The following TFDP2 variants were observed in gnomAD, a reference collection of about 807,000 sequenced individuals.
TFDP2 encodes transcription factor Dp-2 (E2F dimerization partner 2).
In TFDP2, 17 loss-of-function variants were observed where a neutral mutation model predicts 59.3. The ratio of observed to expected loss-of-function variants is 0.29; its 90% CI spans 0.20 to 0.43. The LOEUF (loss-of-function observed/expected upper bound fraction) is 0.43, where lower values mean the gene tolerates loss of function less well. Ranked by LOEUF, TFDP2 falls within the 20% of genes least tolerant of loss-of-function variation. The probability of loss-of-function intolerance (pLI) is 1.00; values close to 1 mark genes in which losing one functional copy is unlikely to be tolerated. For synonymous variants in TFDP2, 180 were observed against 194.7 expected (o/e 0.92, Z 0.63); for missense variants, 391 against 528.8 (o/e 0.74, Z 2.56).
chr3:142,111,787 C>T (rs780267568), intron 1 of TFDP2, among the ~76,000 whole-genome samples: 9 of 151,772 alleles, frequency 5.9e-5, no homozygotes, highest in African/African-American at 9.7e-5. Context: ...CAGATTTGGC[C>T]GGGTGTGGTG....
In TFDP2 at chr3:142,039,354, T is replaced by C. The variant is rs1347451258; in HGVS notation, c.83-33810A>G. Among the ~76,000 whole-genome samples the C allele has an allele frequency of 8.5e-5, 13 of 152,334 alleles. No homozygotes were observed. The East Asian group carries it at 2.5e-3, about 29-fold the overall frequency. ...GTGACAGTTTCTTGGCTATTGGCTA[T>C]GTTTTGTTCCTGATGACCTTGACAG... On this transcript the variant is annotated intron_variant, in intron 3 of 12. Transcript: ENST00000489671.
chr3:141,982,525 T>TTACA (rs1164840627), intron 6 of TFDP2, among the ~76,000 whole-genome samples: 1 of 152,110 alleles, frequency 6.6e-6, no homozygotes, highest in African/African-American at 2.4e-5. Context: ...GGCCAGCCAG[T>TTACA]TACATACTTT....
intron 3 of TFDP2, among the ~76,000 whole-genome samples, chr3:142,031,803 C>T (rs1946443010): frequency 6.6e-6 from 1 of 152,118 alleles, no homozygotes; most frequent in African/African-American, 2.4e-5. Flanking sequence ...ATTTATGATT[C>T]TATAGGCAGA....
intron 1 of TFDP2, among the ~76,000 whole-genome samples, chr3:142,128,693 G>A (rs1362271868): frequency 6.6e-6 from 1 of 152,018 alleles, no homozygotes; most frequent in African/African-American, 2.4e-5. Flanking sequence ...AAAAAAGAAA[G>A]AGAGGGAGGG....
intron 3 of TFDP2, among the ~76,000 whole-genome samples, chr3:142,018,352 A>G (rs1165687873): frequency 6.6e-6 from 1 of 152,232 alleles, no homozygotes; most frequent in Non-Finnish European, 1.5e-5. Context: ...TACTACTGCA[A>G]TGACTATACA....
intron 8 of TFDP2, 98 bp downstream of exon 8, chr3:141,973,950 A>G (rs1940222806): frequency 1.6e-5 from 22 of 1,385,870 alleles, no homozygotes; most frequent in Non-Finnish European, 2.1e-5. Context: ...TACATGAAAA[A>G]TTGGAAATAT....
intron 3 of TFDP2, among the ~76,000 whole-genome samples, chr3:142,007,161 C>G (rs1944283952): frequency 6.6e-6 from 1 of 152,150 alleles, no homozygotes; most frequent in Admixed American, 6.5e-5. Flanking sequence ...CCGGAATTTT[C>G]AACTATTCCA....
intron 4 of TFDP2, among the ~76,000 whole-genome samples, chr3:141,996,425 C>T (rs1943278721): frequency 6.6e-6 from 1 of 152,160 alleles, no homozygotes; most frequent in South Asian, 2.1e-4. Flanking sequence ...TAAGTCCCAA[C>T]TGAGAATGAA....
At chr3:142,016,489 T>C (rs1468506280) in intron 3 of TFDP2, among the ~76,000 whole-genome samples, 1 of 151,644 alleles carries the variant, frequency 6.6e-6, no homozygotes, top group Non-Finnish European at 1.5e-5. Context: ...TTAGTAGAGA[T>C]GGGGTTTTGC....
At chr3:142,031,755 G>A (rs1453374650) in intron 3 of TFDP2, among the ~76,000 whole-genome samples, 1 of 152,098 alleles carries the variant, frequency 6.6e-6, no homozygotes, top group Admixed American at 6.5e-5. Context: ...GACATTTATT[G>A]GCAATCTGCC....
At chr3:142,125,635 C>A (rs551399775) in intron 1 of TFDP2, among the ~76,000 whole-genome samples, 1 of 152,156 alleles carries the variant, frequency 6.6e-6, no homozygotes, top group African/African-American at 2.4e-5. Flanking sequence ...TGAGGCAGCT[C>A]ATTGTGTATT....
intron 1 of TFDP2, among the ~76,000 whole-genome samples, chr3:142,114,713 G>A (rs1485484702): frequency 6.6e-6 from 1 of 151,826 alleles, no homozygotes; most frequent in Non-Finnish European, 1.5e-5. Flanking sequence ...AAAGTTGAAT[G>A]ATGTATGTGC....
intron 1 of TFDP2, among the ~76,000 whole-genome samples, chr3:142,113,627 T>C (rs2061740044): frequency 6.6e-6 from 1 of 152,172 alleles, no homozygotes. Context: ...ATGAACTATA[T>C]GCAAGCATGA....
chr3:141,959,864 G>C (rs1194349069), intron 10 of TFDP2, 24 bp from the exon 11 acceptor site: 6 of 1,612,528 alleles, frequency 3.7e-6, no homozygotes, highest in Non-Finnish European at 5.1e-6. Flanking sequence ...CAAAGTAAAG[G>C]GTTTTTGGTG....
chr3:142,126,850 G>A (rs974954802), intron 1 of TFDP2, among the ~76,000 whole-genome samples: 2 of 151,462 alleles, frequency 1.3e-5, no homozygotes, highest in Non-Finnish European at 2.9e-5. Flanking sequence ...GGAGGCTGAG[G>A]CAGGAGAATC....
At chr3:142,091,151 T>C (rs538838430) in intron 3 of TFDP2, among the ~76,000 whole-genome samples, 1 of 152,294 alleles carries the variant, frequency 6.6e-6, no homozygotes, top group South Asian at 2.1e-4. Context: ...TTTAGGTAGC[T>C]TAATCCTGAC....
At chr3:142,114,552 T>C (rs528261338) in intron 1 of TFDP2, among the ~76,000 whole-genome samples, 29 of 152,218 alleles carry the variant, frequency 1.9e-4, no homozygotes, top group African/African-American at 6.5e-4. Context: ...CCTATCAGAC[T>C]CCACAGGATA....
intron 9 of TFDP2, among the ~76,000 whole-genome samples, chr3:141,966,020 C>A (rs1389113873): frequency 6.6e-6 from 1 of 151,924 alleles, no homozygotes; most frequent in Admixed American, 6.6e-5. Context: ...CCTAGTGCCA[C>A]AAGAGGACCC....
chr3:141,968,401 AT>A (rs1938568205), intron 9 of TFDP2, among the ~76,000 whole-genome samples: 1 of 109,620 alleles, frequency 9.1e-6, no homozygotes, highest in East Asian at 2.4e-4. Context: ...TAACATATAT[AT>A]CATATATATA....
Sources: gnomAD v4.1 joint callset for allele counts (sites outside exome capture counted in the v4.1 genomes callset) on GRCh38, gnomAD v4.1.1 for gene constraint, MANE v1.5 for transcripts, NCBI Gene and HGNC (gene_info 2026-07-23, HGNC 2026-07-21) for gene names.